Variants in UGGT2 observed in about 807,000 individuals in gnomAD.
The protein encoded by UGGT2 is UDP-glucose glycoprotein glucosyltransferase 2.
In UGGT2, 180 loss-of-function variants were observed where a neutral mutation model predicts 192.1. The observed-to-expected ratio is 0.94, with a 90% confidence interval of 0.83 to 1.06. UGGT2 has a LOEUF of 1.06. Among genes scored for constraint, UGGT2 ranks in the 50% least tolerant of loss-of-function variants. The pLI is 0.00. For missense variants in UGGT2, 1,849 were observed against 1,795.7 expected, an observed-to-expected ratio of 1.03 and a Z score of -0.54; for synonymous variants, 580 against 591.0, an observed-to-expected ratio of 0.98 and a Z score of 0.27.
At chr13:95,807,628 G>A (rs1294268115) in intron 38 of UGGT2, among the ~76,000 whole-genome samples, 2 of 147,646 alleles carry the variant, frequency 1.4e-5, no homozygotes, top group South Asian at 2.2e-4. Flanking sequence ...TCTCCATCAA[G>A]TCATCTTCTG....
intron 8 of UGGT2, among the ~76,000 whole-genome samples, chr13:95,987,448 C>T (rs1489689000): frequency 1.3e-5 from 2 of 152,124 alleles, no homozygotes; most frequent in African/African-American, 2.4e-5. Flanking sequence ...CAAAAACACC[C>T]CATCACTTAT....
chr13:95,971,858 T>C (rs2050783030), intron 11 of UGGT2, among the ~76,000 whole-genome samples: 2 of 152,196 alleles, frequency 1.3e-5, no homozygotes, highest in African/African-American at 4.8e-5. Flanking sequence ...TTCCAACGTA[T>C]TTCCAAACTG....
intron 38 of UGGT2, among the ~76,000 whole-genome samples, chr13:95,832,522 T>C (rs754274373): frequency 2.0e-5 from 3 of 152,068 alleles, no homozygotes; most frequent in Non-Finnish European, 4.4e-5. Flanking sequence ...ATATATGAGA[T>C]TAATTTTGGA....
chr13:95,939,617 A>G (rs2049594136), intron 16 of UGGT2, among the ~76,000 whole-genome samples: 1 of 152,090 alleles, frequency 6.6e-6, no homozygotes, highest in African/African-American at 2.4e-5. Flanking sequence ...TGGAATAGCT[A>G]ATAAAGCTAA....
intron 10 of UGGT2, among the ~76,000 whole-genome samples, chr13:95,979,490 C>G (rs35872232): frequency 7.8e-6 from 1 of 128,846 alleles, no homozygotes; most frequent in Non-Finnish European, 1.6e-5. Context: ...TCTAGTATTT[C>G]TTCATGCAAA....
intron 36 of UGGT2, among the ~76,000 whole-genome samples, chr13:95,849,926 G>GT (rs11340987): frequency 5.8e-4 from 84 of 143,718 alleles, no homozygotes; most frequent in Middle Eastern, 3.6e-3. Context: ...ACTGTTTTTT[G>GT]TTTTTTTTTT....
intron 31 of UGGT2, 56 bp from the exon 32 acceptor site, chr13:95,860,939 G>T: frequency 1.0e-6 from 1 of 985,188 alleles, no homozygotes; most frequent in Non-Finnish European, 1.5e-6. Context: ...AACATTGTAT[G>T]CCTAAATAGT....
At chr13:95,870,352 T>G (rs1482411531) in intron 29 of UGGT2, among the ~76,000 whole-genome samples, 2 of 152,234 alleles carry the variant, frequency 1.3e-5, no homozygotes, top group Non-Finnish European at 2.9e-5. Context: ...GATAATTAGA[T>G]TCTGCTAAAC....
intron 7 of UGGT2, 137 bp downstream of exon 7, chr13:95,995,925 TA>T (rs2051603088): frequency 1.4e-6 from 1 of 722,538 alleles, no homozygotes; most frequent in African/African-American, 1.9e-5. Context: ...CTGTAATAAA[TA>T]AAAACAATCG....
At chr13:95,876,097 G>A (rs1891652193) in intron 29 of UGGT2, among the ~76,000 whole-genome samples, 1 of 151,964 alleles carries the variant, frequency 6.6e-6, no homozygotes, top group South Asian at 2.1e-4. Context: ...AAGACCACAT[G>A]TGCTCTCAAA....
chr13:95,968,193 T>C (rs1290637766), intron 12 of UGGT2, among the ~76,000 whole-genome samples: 1 of 152,144 alleles, frequency 6.6e-6, no homozygotes, highest in Admixed American at 6.5e-5. Flanking sequence ...TACTTATTCA[T>C]TTAGGGAATA....
intron 30 of UGGT2, 143 bp downstream of exon 30, chr13:95,867,196 T>C (rs1467652591): frequency 2.7e-6 from 2 of 728,158 alleles, no homozygotes; most frequent in Non-Finnish European, 4.3e-6. Context: ...TCCTCTTCTT[T>C]TTTTACTGCT....
chr13:96,016,580 C>G (rs1163254546), intron 4 of UGGT2, among the ~76,000 whole-genome samples: 1 of 152,178 alleles, frequency 6.6e-6, no homozygotes, highest in African/African-American at 2.4e-5. Flanking sequence ...TCTGCAGATG[C>G]TCAGGAGGCA....
chr13:95,925,492 G>C (rs2048989225), intron 20 of UGGT2, among the ~76,000 whole-genome samples, 188 bp downstream of exon 20: 1 of 152,128 alleles, frequency 6.6e-6, no homozygotes, highest in Non-Finnish European at 1.5e-5. Context: ...ACGAGTCATA[G>C]AAAACAGGTA....
Position 95,902,843 on chromosome 13 carries a change from T to G in UGGT2, c.2502+11A>C. 2.5e-6 allele frequency: 4 copies of G among 1,606,322 alleles called. No individual in the cohort carries two copies. The highest frequency in any genetic ancestry group is 3.4e-6 in the Non-Finnish European group (4 of 1,176,178). ...ATACATACATATTTAATATTTCAAA[T>G]AGCTACTGACCTCAATAAGGAATGT... On this transcript the variant is annotated intron_variant, in intron 21 of 38. Transcript: ENST00000376747.
intron 36 of UGGT2, among the ~76,000 whole-genome samples, chr13:95,847,011 G>C (rs1003435302): frequency 2.1e-5 from 3 of 142,848 alleles, no homozygotes; most frequent in African/African-American, 7.7e-5. Context: ...ACCAGCTTTG[G>C]TTTCATTTTT....
chr13:95,894,866 T>G (rs1305818127), intron 23 of UGGT2, among the ~76,000 whole-genome samples: 1 of 152,016 alleles, frequency 6.6e-6, no homozygotes, highest in African/African-American at 2.4e-5. Context: ...TATTTACACA[T>G]GAAGCAAAAA....
chr13:96,003,223 T>C (rs1409873905), intron 5 of UGGT2, among the ~76,000 whole-genome samples: 3 of 152,174 alleles, frequency 2.0e-5, no homozygotes, highest in Non-Finnish European at 4.4e-5. Context: ...GTACACAGTA[T>C]TGGCAAGGTG....
intron 9 of UGGT2, among the ~76,000 whole-genome samples, chr13:95,985,852 A>C (rs1280692947): frequency 6.6e-6 from 1 of 152,116 alleles, no homozygotes; most frequent in African/African-American, 2.4e-5. Flanking sequence ...GTTCAACGAG[A>C]CATCCTCTTG....
Sources: allele counts gnomAD v4.1 joint callset (sites outside exome capture counted in the v4.1 genomes callset), GRCh38; gene constraint gnomAD v4.1.1; transcripts MANE v1.5; gene names NCBI Gene and HGNC (gene_info 2026-07-23, HGNC 2026-07-21).